Variants in DOCK8 observed in about 807,000 individuals in gnomAD.
The protein encoded by DOCK8 is dedicator of cytokinesis 8.
In DOCK8, 141 loss-of-function variants were observed where a neutral mutation model predicts 245.6. That is an observed-to-expected ratio of 0.57 (90% CI 0.50 to 0.66). The LOEUF is 0.66. Among genes scored for constraint, DOCK8 ranks in the 30% least tolerant of loss-of-function variants. The pLI is 0.00. For missense variants in DOCK8, 2,965 were observed against 2,603.4 expected (o/e 1.14, Z -3.02); for synonymous variants, 1,168 against 970.2 (o/e 1.20, Z -3.79).
intron 14 of DOCK8, among the ~76,000 whole-genome samples, chr9:343,376 AGTT>A (rs1054517391): frequency 6.6e-6 from 1 of 152,068 alleles, no homozygotes; most frequent in Non-Finnish European, 1.5e-5. Flanking sequence ...GCATCCCTGT[AGTT>A]CTAGCTACCC....
At chr9:355,616 C>G (rs1404708818) in intron 14 of DOCK8, among the ~76,000 whole-genome samples, 1 of 152,132 alleles carries the variant, frequency 6.6e-6, no homozygotes, top group African/African-American at 2.4e-5. Context: ...AAACCACACT[C>G]CAAAGAAATA....
intron 1 of DOCK8, among the ~76,000 whole-genome samples, chr9:247,974 C>G (rs1274776881): frequency 1.1e-5 from 1 of 87,384 alleles, no homozygotes; most frequent in African/African-American, 4.6e-5. Context: ...TTCTGATCTT[C>G]TCTAAGTTAA....
At chr9:263,896 T>C (rs2047979641) in intron 1 of DOCK8, among the ~76,000 whole-genome samples, 1 of 152,238 alleles carries the variant, frequency 6.6e-6, no homozygotes, top group East Asian at 1.9e-4. Context: ...TGACTTTCAG[T>C]AGTTCTACTA....
chr9:449,159 T>C (rs552187212), intron 44 of DOCK8, among the ~76,000 whole-genome samples: 16 of 152,166 alleles, frequency 1.1e-4, no homozygotes, highest in Non-Finnish European at 2.1e-4. Flanking sequence ...GAGACCAGCC[T>C]GGCCAACATA....
chr9:443,652 A>G, intron 43 of DOCK8, 136 bp downstream of exon 43: 1 of 686,546 alleles, frequency 1.5e-6, no homozygotes, highest in Admixed American at 2.6e-5. Context: ...CTAGAGTTCA[A>G]CTACTAATTG....
At chr9:263,110 G>A (rs1195258900) in intron 1 of DOCK8, among the ~76,000 whole-genome samples, 2 of 152,142 alleles carry the variant, frequency 1.3e-5, no homozygotes, top group Non-Finnish European at 2.9e-5. Flanking sequence ...AGGAGGCTGA[G>A]GCTGGAGAAT....
At chr9:293,767 C>G (rs1244020869) in intron 4 of DOCK8, among the ~76,000 whole-genome samples, 1 of 152,188 alleles carries the variant, frequency 6.6e-6, no homozygotes, top group Non-Finnish European at 1.5e-5. Flanking sequence ...AAGTGGTTTA[C>G]TAGAAAGTCG....
chr9:343,249 G>A (rs1171543078), intron 14 of DOCK8, among the ~76,000 whole-genome samples: 1 of 152,076 alleles, frequency 6.6e-6, no homozygotes, highest in Non-Finnish European at 1.5e-5. Flanking sequence ...CTGTAACCCC[G>A]CTGCTTTGGG....
chr9:231,285 T>G (rs1401640641), intron 1 of DOCK8, among the ~76,000 whole-genome samples: 3 of 152,192 alleles, frequency 2.0e-5, no homozygotes, highest in Admixed American at 1.3e-4. Context: ...ACCAGTACCA[T>G]GCTGTTTTGG....
intron 29 of DOCK8, among the ~76,000 whole-genome samples, chr9:416,538 T>G (rs2056021308): frequency 6.6e-6 from 1 of 152,170 alleles, no homozygotes; most frequent in South Asian, 2.1e-4. Flanking sequence ...ATGTAGCTGA[T>G]GAGAGAAAAA....
intron 33 of DOCK8, among the ~76,000 whole-genome samples, chr9:426,645 C>T (rs914502626): frequency 2.0e-5 from 3 of 149,240 alleles, no homozygotes; most frequent in African/African-American, 7.8e-5. Flanking sequence ...TAATTGTCCT[C>T]ATCATTATTA....
intron 7 of DOCK8, among the ~76,000 whole-genome samples, chr9:318,707 A>G (rs538706388): frequency 3.9e-5 from 6 of 152,262 alleles, no homozygotes; most frequent in South Asian, 4.1e-4. Context: ...TTGCAAACCA[A>G]CCTGGCAGTG....
chr9:311,792 G>T lies in DOCK8; in HGVS notation c.529-162G>T, dbSNP rs577985528. 1.3e-3 allele frequency among the ~76,000 whole-genome samples: 200 copies of T among 152,340 alleles called. 1 individual carries two copies. The highest frequency in any genetic ancestry group is 4.2e-3 in the African/African-American group (176 of 41,584). On this transcript the variant is annotated intron_variant, in intron 5 of 47. Transcript: ENST00000432829. ...TTTAGAGTAGTCCAGCCAGGAAGCT[G>T]AGATGTCATTCTTATCAAATCCGCA...
intron 2 of DOCK8, among the ~76,000 whole-genome samples, chr9:285,222 G>C (rs2048768553): frequency 6.6e-6 from 1 of 152,104 alleles, no homozygotes; most frequent in Admixed American, 6.5e-5. Context: ...GAGGGGACGA[G>C]GCCTGCCACA....
intron 1 of DOCK8, among the ~76,000 whole-genome samples, chr9:266,961 G>T (rs569510615): frequency 8.5e-5 from 13 of 152,294 alleles, no homozygotes; most frequent in Admixed American, 6.5e-4. Flanking sequence ...CACAGTACCT[G>T]CATGGAAACG....
At chr9:277,490 A>AGAAGT (rs58571957) in intron 2 of DOCK8, among the ~76,000 whole-genome samples, 1 of 129,994 alleles carries the variant, frequency 7.7e-6, no homozygotes, top group Non-Finnish European at 1.6e-5. Context: ...AGAAGAGAAG[A>AGAAGT]CATACAAAAG....
At chr9:328,894 A>T (rs1474505870) in intron 9 of DOCK8, among the ~76,000 whole-genome samples, 1 of 149,312 alleles carries the variant, frequency 6.7e-6, no homozygotes, top group Admixed American at 6.7e-5. Flanking sequence ...ATTAACAAAC[A>T]TCAGGTATTT....
At chr9:392,621 C>T (rs1421399324) in intron 24 of DOCK8, among the ~76,000 whole-genome samples, 1 of 152,182 alleles carries the variant, frequency 6.6e-6, no homozygotes, top group Non-Finnish European at 1.5e-5. Context: ...CTATACAGAG[C>T]TACAGGTCTT....
rs2055009210 is a variant in DOCK8 at position 400,936 on chromosome 9, CACCACCACCA to C, written c.3234+1678_3234+1687del. 2.2e-5 allele frequency among the ~76,000 whole-genome samples: 3 copies of C among 134,142 alleles called. 1 individual carries two copies. The highest frequency in any genetic ancestry group is 4.8e-5 in the Non-Finnish European group (3 of 61,902). The allele number at this position is 134,142 out of a possible 152,430, so 88.0% of individuals were successfully genotyped here. A position where few individuals can be genotyped will look rare whatever the true frequency, so the allele number is the denominator to read the frequency against. ...GCTCCTTCACCATCACCACAACATC[CACCACCACCA>C]TCACCACCACCACCACCACCTCCTC... On this transcript the variant is annotated intron_variant, in intron 26 of 47. Transcript: ENST00000432829.
Sources: allele counts gnomAD v4.1 joint callset (sites outside exome capture counted in the v4.1 genomes callset), GRCh38; gene constraint gnomAD v4.1.1; transcripts MANE v1.5; gene names NCBI Gene and HGNC (gene_info 2026-07-23, HGNC 2026-07-21).